The following CFAP20DC variants were observed in gnomAD, a reference collection of about 807,000 sequenced individuals.
CFAP20DC encodes protein CFAP20DC.
In CFAP20DC, 84 loss-of-function variants were observed where a neutral mutation model predicts 101.7. That is an observed-to-expected ratio of 0.83 (90% CI 0.69 to 0.99). The LOEUF (loss-of-function observed/expected upper bound fraction) is 0.99. Ranked by LOEUF, CFAP20DC falls within the 50% of genes least tolerant of loss-of-function variation. CFAP20DC has a pLI of 0.00. For missense variants in CFAP20DC, 1,007 were observed against 970.3 expected, an observed-to-expected ratio of 1.04 and a Z score of -0.50; for synonymous variants, 359 against 351.2, an observed-to-expected ratio of 1.02 and a Z score of -0.25.
intron 13 of CFAP20DC, among the ~76,000 whole-genome samples, chr3:58,835,560 AT>A (rs1370006278): frequency 6.6e-6 from 1 of 152,206 alleles, no homozygotes; most frequent in Non-Finnish European, 1.5e-5. Context: ...TGCTGATGCT[AT>A]ATTTGCTTAA....
At chr3:58,967,554 C>T (rs745621639) in intron 4 of CFAP20DC, among the ~76,000 whole-genome samples, 6 of 152,042 alleles carry the variant, frequency 3.9e-5, no homozygotes, top group Non-Finnish European at 7.4e-5. Flanking sequence ...AGGATGCTAT[C>T]AAGAAAGTAA....
At chr3:58,858,413 G>A (rs2079005381) in intron 12 of CFAP20DC, among the ~76,000 whole-genome samples, 1 of 152,072 alleles carries the variant, frequency 6.6e-6, no homozygotes, top group Non-Finnish European at 1.5e-5. Flanking sequence ...CATGCAGATG[G>A]GCATTTAGAC....
intron 5 of CFAP20DC, among the ~76,000 whole-genome samples, chr3:58,920,583 T>C (rs984707643): frequency 1.3e-5 from 2 of 152,218 alleles, no homozygotes; most frequent in Admixed American, 1.3e-4. Flanking sequence ...TTTCTCTGTA[T>C]CTATTGAGAT....
At chr3:58,857,611 G>A (rs2078939351) in intron 12 of CFAP20DC, among the ~76,000 whole-genome samples, 1 of 152,028 alleles carries the variant, frequency 6.6e-6, no homozygotes, top group African/African-American at 2.4e-5. Flanking sequence ...ATCTGGACAG[G>A]GTACAAAGGC....
At chr3:58,813,891 C>G (rs1559631577) in intron 14 of CFAP20DC, among the ~76,000 whole-genome samples, 2 of 151,896 alleles carry the variant, frequency 1.3e-5, no homozygotes, top group Admixed American at 6.6e-5. Flanking sequence ...CATATTTGAT[C>G]TCACTAGAGA....
Position 58,742,641 on chromosome 3 carries a change from G to C in CFAP20DC, c.2333-69C>G, listed in dbSNP as rs1317493909. On this transcript the variant is annotated intron_variant, in intron 16 of 16. Transcript: ENST00000482387. ...CCCGGAATCCCCAAACAAGGGCAACGAAGCAGGAATCACCATCTCTCCTGG... is the reference window on the plus strand; with the variant it reads ...CCCGGAATCCCCAAACAAGGGCAACCAAGCAGGAATCACCATCTCTCCTGG... 8 of 1,139,868 alleles carry C rather than the reference G, an allele frequency of 7.0e-6. No homozygotes were observed. In the Admixed American group the frequency reaches 1.7e-4, roughly 24 times the overall value. 70.6% of individuals were successfully genotyped at this position (1,139,868 alleles called of 1,614,324 possible).
chr3:58,802,496 T>C (rs761823845), intron 15 of CFAP20DC, among the ~76,000 whole-genome samples: 24 of 152,174 alleles, frequency 1.6e-4, no homozygotes, highest in Non-Finnish European at 2.8e-4. Context: ...CCAGCATCTG[T>C]GATGCTGTTT....
At chr3:58,853,664 G>A in intron 12 of CFAP20DC, among the ~76,000 whole-genome samples, 1 of 152,138 alleles carries the variant, frequency 6.6e-6, no homozygotes, top group Non-Finnish European at 1.5e-5. Flanking sequence ...TCCCTGGGAT[G>A]CAAGGCTGGT....
Position 58,742,252 on chromosome 3 carries a change from A to G in CFAP20DC, c.*208T>C. ...CTCCTAAAATCTTGCCTCTGTATTAATTTCTTCAGTTTCAAAATCATACTC... is the reference window on the plus strand; with the variant it reads ...CTCCTAAAATCTTGCCTCTGTATTAGTTTCTTCAGTTTCAAAATCATACTC... On this transcript the variant is annotated 3_prime_UTR_variant, in exon 17 of 17. Transcript: ENST00000482387. The G allele has an allele frequency of 8.9e-7, 1 of 1,123,184 alleles. No individual in the cohort carries two copies. The highest frequency in any genetic ancestry group is 3.7e-4 in the Middle Eastern group (1 of 2,680). 69.6% of individuals were successfully genotyped at this position (1,123,184 alleles called of 1,614,324 possible).
At position 58,816,805 on chromosome 3, in the gene CFAP20DC, G is replaced by C. The variant is rs571579272; in HGVS notation, c.2176-10349C>G. On this transcript the variant is annotated intron_variant, in intron 14 of 16. Transcript: ENST00000482387. ...AGCCCACCACAGCTCAAGGAGGCCT[G>C]CCTGCCTCTGTAGGCTCCACCTCTG... 3.2e-3 allele frequency among the ~76,000 whole-genome samples: 488 copies of C among 152,266 alleles called. 2 individuals carry two copies. The highest frequency in any genetic ancestry group is 0.01 in the Middle Eastern group (3 of 294).
chr3:58,870,143 T>TTAGATAAGCTCTC lies in CFAP20DC; in HGVS notation c.852+17_852+29dup. 5.3e-6 allele frequency: 8 copies of TTAGATAAGCTCTC among 1,504,026 alleles called. No individual in the cohort carries two copies. The East Asian group carries it at 2.2e-4, about 42-fold the overall frequency. 93.2% of individuals were successfully genotyped at this position (1,504,026 alleles called of 1,614,324 possible). ...TCTTCCCTTACCAGGTCACTTGTGC[T>TTAGATAAGCTCTC]TAGATAAGCTCTCCAAACCTTGCTC... On this transcript the variant is annotated intron_variant, in intron 8 of 16. Coordinates refer to ENST00000482387, the MANE Select transcript of CFAP20DC (RefSeq NM_001394063.1).
At chr3:59,021,791 G>C (rs1264318252) in intron 4 of CFAP20DC, among the ~76,000 whole-genome samples, 1 of 152,070 alleles carries the variant, frequency 6.6e-6, no homozygotes, top group African/African-American at 2.4e-5. Flanking sequence ...TCAGAGATGA[G>C]AGTAGCTGCG....
chr3:58,893,143 A>C (rs2082390948), intron 6 of CFAP20DC, among the ~76,000 whole-genome samples: 1 of 150,352 alleles, frequency 6.7e-6, no homozygotes, highest in African/African-American at 2.5e-5. Context: ...TCCCGGGTTC[A>C]TGCCATTCTC....
At chr3:58,757,463 C>T (rs2069069787) in intron 15 of CFAP20DC, among the ~76,000 whole-genome samples, 1 of 150,452 alleles carries the variant, frequency 6.6e-6, no homozygotes, top group Non-Finnish European at 1.5e-5. Context: ...TTTATCTTTC[C>T]CTCACTTTAT....
At chr3:58,840,912 C>A (rs2077056893) in intron 13 of CFAP20DC, among the ~76,000 whole-genome samples, 1 of 152,232 alleles carries the variant, frequency 6.6e-6, no homozygotes, top group South Asian at 2.1e-4. Context: ...TAAGAAAGAA[C>A]AAAGCCAGGA....
At chr3:58,881,057 C>A (rs1421095442) in intron 7 of CFAP20DC, among the ~76,000 whole-genome samples, 2 of 152,120 alleles carry the variant, frequency 1.3e-5, no homozygotes, top group Non-Finnish European at 2.9e-5. Context: ...ATCTTACTTT[C>A]ATATTGTGGA....
In CFAP20DC at chr3:58,795,767, TC is replaced by T. The variant is rs1315140478; in HGVS notation, c.2237+10627del. ...TCTGAAACTCCTAGGGGAATGGGTT[TC>T]ATAAGTTTATAATTTTCGAAAACAT... On this transcript the variant is annotated intron_variant, in intron 15 of 16. Transcript: ENST00000482387. The surrounding 1 kb of genome is among the most constrained non-coding windows in gnomAD (Gnocchi z 4.2). 4.6e-5 allele frequency among the ~76,000 whole-genome samples: 7 copies of T among 152,314 alleles called. No individual in the cohort carries two copies. Among genetic ancestry groups the T allele is most frequent in the African/African-American group, 1.7e-4 (7 of 41,546 alleles).
intron 5 of CFAP20DC, among the ~76,000 whole-genome samples, chr3:58,917,169 A>G (rs1490953911): frequency 6.6e-6 from 1 of 152,158 alleles, no homozygotes; most frequent in Non-Finnish European, 1.5e-5. Flanking sequence ...TTTCCAGCAT[A>G]AAGGAGTTGG....
At chr3:58,810,387 G>A (rs2074510329) in intron 14 of CFAP20DC, among the ~76,000 whole-genome samples, 1 of 152,146 alleles carries the variant, frequency 6.6e-6, no homozygotes, top group African/African-American at 2.4e-5. Context: ...TGGGATGCAA[G>A]GCTGGTTCAA....
Sources: gnomAD v4.1 joint callset for allele counts (sites outside exome capture counted in the v4.1 genomes callset) on GRCh38, gnomAD v4.1.1 for gene constraint, Gnocchi (gnomAD v3.1) non-coding constraint, MANE v1.5 for transcripts, NCBI Gene and HGNC (gene_info 2026-07-23, HGNC 2026-07-21) for gene names.